The following FAM24B variants were observed in gnomAD, a reference collection of about 807,000 sequenced individuals.
FAM24B encodes the protein family with sequence similarity 24 member B.
FAM24B carries 3 observed loss-of-function variants against 2.3 expected under a neutral mutation model. That is an observed-to-expected ratio of 1.29 (90% confidence interval 0.59 to 3.32). FAM24B has a LOEUF of 3.32. Ranked by LOEUF, FAM24B falls within the 30% of genes most tolerant of loss-of-function variation. The pLI is 0.03. For synonymous variants in FAM24B, 36 were observed against 46.3 expected (o/e 0.78, Z 0.90); for missense variants, 98 against 117.2 (o/e 0.84, Z 0.76).
intron 1 of FAM24B, among the ~76,000 whole-genome samples, chr10:122,866,265 T>G (rs1264138252): frequency 6.6e-6 from 1 of 152,106 alleles, no homozygotes; most frequent in African/African-American, 2.4e-5. Flanking sequence ...ATTTCTAATA[T>G]TAATAATTTG....
chr10:122,850,376 C>A, intron 3 of FAM24B, 48 bp downstream of exon 3: 1 of 1,473,142 alleles, frequency 6.8e-7, no homozygotes, highest in East Asian at 2.3e-5. Flanking sequence ...CCCCTTTTCC[C>A]CATGTGACTC....
At chr10:122,878,261 G>A (rs992290279) in intron 1 of FAM24B, among the ~76,000 whole-genome samples, 15 of 152,148 alleles carry the variant, frequency 9.9e-5, no homozygotes, top group Non-Finnish European at 2.1e-4. Flanking sequence ...GGCCAGGTGC[G>A]GTGGCTCACG....
chr10:122,866,277 G>A (rs1847803061), intron 1 of FAM24B, among the ~76,000 whole-genome samples: 1 of 151,970 alleles, frequency 6.6e-6, no homozygotes, highest in Non-Finnish European at 1.5e-5. Context: ...AATAATTTGT[G>A]TCTTTTTTAG....
At chr10:122,870,669 G>A (rs1402338115) in intron 1 of FAM24B, among the ~76,000 whole-genome samples, 1 of 152,112 alleles carries the variant, frequency 6.6e-6, no homozygotes, top group African/African-American at 2.4e-5. Context: ...CATATAAACA[G>A]AAACAAAGAC....
At chr10:122,877,465 G>A (rs994122086) in intron 1 of FAM24B, among the ~76,000 whole-genome samples, 6 of 152,096 alleles carry the variant, frequency 3.9e-5, no homozygotes, top group Non-Finnish European at 1.5e-5. Context: ...AGGAATGGTG[G>A]GTGTCAGACA....
chr10:122,876,366 C>T (rs1847977306), intron 1 of FAM24B, among the ~76,000 whole-genome samples: 1 of 152,194 alleles, frequency 6.6e-6, no homozygotes, highest in Admixed American at 6.5e-5. Flanking sequence ...AGTACTTTCC[C>T]TTGAGAGAAG....
intron 2 of FAM24B, among the ~76,000 whole-genome samples, chr10:122,853,213 A>G (rs1847572330): frequency 6.6e-6 from 1 of 152,166 alleles, no homozygotes; most frequent in Non-Finnish European, 1.5e-5. Context: ...CCTATATGGG[A>G]AATTTTTAAA....
Position 122,878,210 on chromosome 10 carries a change from C to T in FAM24B, c.-178+1275G>A, listed in dbSNP as rs76375300. Reference sequence around the variant, plus strand: ...GGGGGTCTAGGAGGCAGGCAGAAGTCAAGGATAAAGGGCTTTGTATGCCTG... The same window carrying T: ...GGGGGTCTAGGAGGCAGGCAGAAGTTAAGGATAAAGGGCTTTGTATGCCTG... On this transcript the variant is annotated intron_variant, in intron 1 of 3. Transcript: ENST00000368898. 7.6e-4 allele frequency among the ~76,000 whole-genome samples: 115 copies of T among 152,234 alleles called. 2 individuals carry two copies. The East Asian group carries it at 0.021, about 28-fold the overall frequency.
intron 1 of FAM24B, among the ~76,000 whole-genome samples, chr10:122,874,153 C>G (rs1166722013): frequency 6.6e-6 from 1 of 152,100 alleles, no homozygotes; most frequent in Non-Finnish European, 1.5e-5. Flanking sequence ...CAATTCAGTT[C>G]AACTATATTC....
At chr10:122,879,463 A>G (rs1233813853) in intron 1 of FAM24B, 22 bp downstream of exon 1, 2 of 152,444 alleles carry the variant, frequency 1.3e-5, no homozygotes, top group African/African-American at 4.8e-5. Flanking sequence ...CACATCGCGT[A>G]GAGCGAAGAG....
intron 1 of FAM24B, among the ~76,000 whole-genome samples, chr10:122,856,556 C>T (rs1042935378): frequency 1.3e-5 from 2 of 152,126 alleles, no homozygotes; most frequent in Non-Finnish European, 2.9e-5. Flanking sequence ...CCAATGAGAA[C>T]GGCCTTTGAC....
intron 1 of FAM24B, among the ~76,000 whole-genome samples, chr10:122,878,183 T>TGG: frequency 6.6e-6 from 1 of 152,192 alleles, no homozygotes; most frequent in African/African-American, 2.4e-5. Context: ...GTACAAAAGC[T>TGG]GGGGGGTCTA....
chr10:122,872,562 T>C (rs1206403178), intron 1 of FAM24B, among the ~76,000 whole-genome samples: 1 of 152,010 alleles, frequency 6.6e-6, no homozygotes, highest in Non-Finnish European at 1.5e-5. Flanking sequence ...ATAGACTGGA[T>C]TAAGAAAATG....
intron 1 of FAM24B, among the ~76,000 whole-genome samples, chr10:122,875,407 GCAT>G (rs747942400): frequency 2.0e-5 from 3 of 152,166 alleles, no homozygotes; most frequent in Non-Finnish European, 2.9e-5. Flanking sequence ...TACAAAATCT[GCAT>G]CATATGTAAG....
intron 1 of FAM24B, among the ~76,000 whole-genome samples, chr10:122,878,457 C>T (rs1412419207): frequency 6.6e-6 from 1 of 150,440 alleles, no homozygotes; most frequent in Non-Finnish European, 1.5e-5. Context: ...CGCTTGAACC[C>T]AAGAGGCGGA....
chr10:122,850,395 AC>A lies in FAM24B; in HGVS notation c.92+28del, dbSNP rs1473352434. ...TTTTCCCCATGTGACTCACTTTAGTACGTTGTTTATTTTGAACTTGTGACTC... is the reference window on the plus strand; with the variant it reads ...TTTTCCCCATGTGACTCACTTTAGTAGTTGTTTATTTTGAACTTGTGACTC... On this transcript the variant is annotated intron_variant, in intron 3 of 3. Transcript: ENST00000368898. 7 of 1,568,956 alleles carry A rather than the reference AC, an allele frequency of 4.5e-6. No homozygotes were observed. The South Asian group carries it at 7.8e-5, about 17-fold the overall frequency.
intron 1 of FAM24B, among the ~76,000 whole-genome samples, chr10:122,874,762 G>A (rs944638021): frequency 2.0e-4 from 30 of 152,148 alleles, no homozygotes; most frequent in Non-Finnish European, 3.1e-4. Flanking sequence ...GGCCCTGGAC[G>A]GCTTTGAATG....
In FAM24B at chr10:122,854,247, T is replaced by C. The variant is rs528933761; in HGVS notation, c.-36+1398A>G. On this transcript the variant is annotated intron_variant, in intron 2 of 3. Transcript: ENST00000368898. ...ACATTTAACTACTTCCAATGTGTTTTAGTAATATCTTTCTGAGTTGCAATG... is the reference window on the plus strand; with the variant it reads ...ACATTTAACTACTTCCAATGTGTTTCAGTAATATCTTTCTGAGTTGCAATG... Among the ~76,000 whole-genome samples, 85 of 152,342 alleles carry C rather than the reference T, an allele frequency of 5.6e-4. 1 individual carries two copies. In the Middle Eastern group the frequency reaches 0.01, roughly 18 times the overall value.
chr10:122,873,525 T>C (rs1327169297), intron 1 of FAM24B, among the ~76,000 whole-genome samples: 4 of 152,244 alleles, frequency 2.6e-5, no homozygotes, highest in African/African-American at 9.6e-5. Flanking sequence ...GAGATTAATG[T>C]TTTCATGTCT....
Sources: gnomAD v4.1 joint callset for allele counts (sites outside exome capture counted in the v4.1 genomes callset) on GRCh38, gnomAD v4.1.1 for gene constraint, MANE v1.5 for transcripts, NCBI Gene and HGNC (gene_info 2026-07-23, HGNC 2026-07-21) for gene names.